HCN1: variants seen among roughly 807,000 people sequenced by gnomAD.
The protein encoded by HCN1 is potassium/sodium hyperpolarization-activated cyclic nucleotide-gated channel 1.
A neutral mutation model predicts 78.9 loss-of-function variants in HCN1; 13 were observed. The observed-to-expected ratio is 0.16, with a 90% CI of 0.11 to 0.26. The LOEUF (loss-of-function observed/expected upper bound fraction) is 0.26, where lower values mean the gene tolerates loss of function less well. HCN1 is among the 10% of genes least tolerant of loss of function. The pLI is 1.00. For synonymous variants in HCN1, 552 were observed against 455.5 expected (o/e 1.21, Z -2.70); for missense variants, 810 against 1,154.3 (o/e 0.70, Z 4.32).
intron 5 of HCN1, among the ~76,000 whole-genome samples, chr5:45,327,305 A>C (rs1746255247): frequency 6.6e-6 from 1 of 151,804 alleles, no homozygotes; most frequent in Non-Finnish European, 1.5e-5. Context: ...TTATTAAGAG[A>C]ATATCACCGA....
intron 3 of HCN1, among the ~76,000 whole-genome samples, chr5:45,402,116 G>A (rs1739825788): frequency 6.6e-6 from 1 of 152,088 alleles, no homozygotes; most frequent in African/African-American, 2.4e-5. Context: ...CTAAATTGTA[G>A]AGAAGAAACA....
intron 5 of HCN1, among the ~76,000 whole-genome samples, chr5:45,330,884 G>C (rs1447627360): frequency 1.3e-5 from 2 of 150,968 alleles, no homozygotes; most frequent in African/African-American, 4.8e-5. Context: ...GCTTAATATT[G>C]AGATAATTTC....
chr5:45,420,883 G>A (rs1365077357), intron 3 of HCN1, among the ~76,000 whole-genome samples: 2 of 152,154 alleles, frequency 1.3e-5, no homozygotes, highest in African/African-American at 2.4e-5. Flanking sequence ...TTCCCAAAGT[G>A]ACAGCTAACT....
intron 2 of HCN1, among the ~76,000 whole-genome samples, chr5:45,533,846 C>G (rs1742909382): frequency 2.0e-5 from 3 of 152,052 alleles, no homozygotes. Context: ...GTGACATTGT[C>G]CCAAGAAGAC....
intron 2 of HCN1, among the ~76,000 whole-genome samples, chr5:45,568,208 G>T (rs957450464): frequency 6.6e-6 from 1 of 151,846 alleles, no homozygotes; most frequent in Admixed American, 6.6e-5. Flanking sequence ...ACGATCATCA[G>T]ATTAAAAAAT....
intron 2 of HCN1, among the ~76,000 whole-genome samples, chr5:45,603,980 G>T (rs1161798607): frequency 2.0e-5 from 3 of 152,006 alleles, no homozygotes; most frequent in African/African-American, 7.2e-5. Context: ...TCAAAGAAAA[G>T]TAGATCATGA....
At chr5:45,519,277 A>C (rs1742571540) in intron 2 of HCN1, among the ~76,000 whole-genome samples, 2 of 152,062 alleles carry the variant, frequency 1.3e-5, no homozygotes, top group Non-Finnish European at 2.9e-5. Context: ...AAGTTCAAGA[A>C]GATGATCAGG....
chr5:45,391,344 C>T (rs1277162058), intron 4 of HCN1, among the ~76,000 whole-genome samples: 1 of 152,168 alleles, frequency 6.6e-6, no homozygotes, highest in African/African-American at 2.4e-5. Context: ...CTCTGCTCTT[C>T]TGAAGGCAGA....
In HCN1 at chr5:45,367,377, A is replaced by G. The variant is rs573140285; in HGVS notation, c.1231-14131T>C. Reference sequence around the variant, plus strand: ...ATGTATTTTGTACACATACATGTCAACATACAGAAATATGAATTTCTGAAT... The same window carrying G: ...ATGTATTTTGTACACATACATGTCAGCATACAGAAATATGAATTTCTGAAT... On this transcript the variant is annotated intron_variant, in intron 4 of 7. Coordinates refer to ENST00000303230, the MANE Select transcript of HCN1 (RefSeq NM_021072.4). Among the ~76,000 whole-genome samples, 24 of 152,038 alleles carry G rather than the reference A, an allele frequency of 1.6e-4. No homozygotes were observed. In the South Asian group the frequency reaches 4.3e-3, roughly 28 times the overall value.
chr5:45,544,097 C>G (rs564059497), intron 2 of HCN1, among the ~76,000 whole-genome samples: 1 of 152,120 alleles, frequency 6.6e-6, no homozygotes, highest in Admixed American at 6.6e-5. Context: ...TACTTATCTG[C>G]TTCCAAGAGT....
intron 6 of HCN1, among the ~76,000 whole-genome samples, chr5:45,292,300 TAAAATGATTATA>T (rs1411331948): frequency 6.6e-6 from 1 of 152,050 alleles, no homozygotes; most frequent in Non-Finnish European, 1.5e-5. Context: ...TAATTCAATT[TAAAATGATTATA>T]ATAAATAAAA....
At chr5:45,375,337 C>A (rs1480863709) in intron 4 of HCN1, among the ~76,000 whole-genome samples, 5 of 118,102 alleles carry the variant, frequency 4.2e-5, no homozygotes, top group African/African-American at 1.3e-4. Context: ...TTATGATATA[C>A]AATATATATA....
At chr5:45,431,466 T>G (rs1740462228) in intron 3 of HCN1, among the ~76,000 whole-genome samples, 1 of 152,190 alleles carries the variant, frequency 6.6e-6, no homozygotes, top group Non-Finnish European at 1.5e-5. Flanking sequence ...TTTTTGCTTT[T>G]GTTGCAATTG....
At position 45,261,274 on chromosome 5, in the gene HCN1, C is replaced by T. The variant is rs1031642960; in HGVS notation, c.*647G>A. On this transcript the variant is annotated 3_prime_UTR_variant, in exon 8 of 8. Coordinates refer to ENST00000303230, the MANE Select transcript of HCN1 (RefSeq NM_021072.4). ...CACATGAAGACAAATATTAATTTTCCCTCAGCTTTCTGAAAGATCAATGAA... is the reference window on the plus strand; with the variant it reads ...CACATGAAGACAAATATTAATTTTCTCTCAGCTTTCTGAAAGATCAATGAA... The T allele has an allele frequency of 5.2e-5, 8 of 152,524 alleles. No homozygotes were observed. The highest frequency in any genetic ancestry group is 1.7e-4 in the African/African-American group (7 of 41,434). 9.4% of individuals were successfully genotyped at this position (152,524 alleles called of 1,614,324 possible).
chr5:45,423,679 C>A (rs1413819124), intron 3 of HCN1, among the ~76,000 whole-genome samples: 1 of 152,088 alleles, frequency 6.6e-6, no homozygotes, highest in African/African-American at 2.4e-5. Context: ...TATTTGTTAG[C>A]CAATCTGTAC....
Position 45,555,075 on chromosome 5 carries a change from G to T in HCN1, c.849+90110C>A, listed in dbSNP as rs564372910. Among the ~76,000 whole-genome samples, 314 of 151,874 alleles carry T rather than the reference G, an allele frequency of 2.1e-3. 1 individual carries two copies. The highest frequency in any genetic ancestry group is 7.4e-3 in the African/African-American group (306 of 41,480). On this transcript the variant is annotated intron_variant, in intron 2 of 7. Transcript: ENST00000303230. ...CAATCAGACAAGAAATAAATAAGGG[G>T]CATCCAGATTGGAAAGGAAGAAGTC...
At chr5:45,340,179 C>T (rs1284629059) in intron 5 of HCN1, among the ~76,000 whole-genome samples, 2 of 152,130 alleles carry the variant, frequency 1.3e-5, no homozygotes, top group Non-Finnish European at 2.9e-5. Context: ...CATCAACCTC[C>T]CAAAGTACTG....
chr5:45,507,605 T>G (rs1388679234), intron 2 of HCN1, among the ~76,000 whole-genome samples: 2 of 152,032 alleles, frequency 1.3e-5, no homozygotes, highest in Non-Finnish European at 2.9e-5. Context: ...TAACAGTATA[T>G]AAATGAGAAA....
At chr5:45,621,919 C>T (rs912550711) in intron 2 of HCN1, among the ~76,000 whole-genome samples, 1 of 151,954 alleles carries the variant, frequency 6.6e-6, no homozygotes, top group African/African-American at 2.4e-5. Flanking sequence ...TAGTGAAATC[C>T]ACTAATTAGG....
Sources: allele counts gnomAD v4.1 joint callset (sites outside exome capture counted in the v4.1 genomes callset), GRCh38; gene constraint gnomAD v4.1.1; transcripts MANE v1.5; gene names NCBI Gene and HGNC (gene_info 2026-07-23, HGNC 2026-07-21).